The following GLIPR2 variants were observed in gnomAD, a reference collection of about 807,000 sequenced individuals.
The protein encoded by GLIPR2 is GLI pathogenesis related 2.
Under a neutral mutation model 20.4 loss-of-function variants are expected in GLIPR2, and 21 were observed. The observed-to-expected ratio is 1.03, with a 90% confidence interval of 0.73 to 1.48. The LOEUF is 1.48. GLIPR2 is among the 40% of genes most tolerant of loss of function. GLIPR2 has a pLI of 0.00. For missense variants in GLIPR2, 205 were observed against 200.1 expected (o/e 1.02, Z -0.15); for synonymous variants, 91 against 80.5 (o/e 1.13, Z -0.70).
upstream of GLIPR2, chr9:36,136,675 G>C: frequency 1.2e-6 from 1 of 864,132 alleles, no homozygotes; most frequent in Non-Finnish European, 1.5e-6. This position sits in a 1 kb window ranked among gnomAD's most constrained non-coding sequence, Gnocchi z 4.3. Context: ...GGCGCCGGAG[G>C]AGGGGCCGCG....
chr9:36,144,468 C>T (rs1825238400), intron 1 of GLIPR2: 2 of 152,168 alleles, frequency 1.3e-5, no homozygotes, highest in African/African-American at 2.4e-5. Context: ...CACTGTAGAC[C>T]TGAAATCTTT....
In GLIPR2 at chr9:36,150,898, A is replaced by T; in HGVS notation, c.253A>T (p.Ser85Cys). 6.2e-7 allele frequency: 1 copy of T among 1,613,896 alleles called. No homozygotes were observed. Among genetic ancestry groups the T allele is most frequent in the East Asian group, 2.2e-5 (1 of 44,882 alleles). The change falls in exon 4 of 5, where the codon AGT (serine) becomes TGT (cysteine). Residue 85 changes from serine to cysteine, a missense_variant. By Grantham distance (112) the Ser-to-Cys change is moderately radical. Transcript: ENST00000377960. ...AAAGGAGGTGGCTGATAGATGGTAC[A>T]GTGAAATCAAGAACTATAACTTCCA... ...TGKEVADRWY[S>C]EIKNYNFQQP...
At chr9:36,153,458 G>T (rs1446285951) in intron 4 of GLIPR2, among the ~76,000 whole-genome samples, 1 of 152,198 alleles carries the variant, frequency 6.6e-6, no homozygotes, top group Non-Finnish European at 1.5e-5. Context: ...ATTTTGGGTG[G>T]TGTCATAATG....
chr9:36,154,542 G>C (rs1563886812), intron 4 of GLIPR2, among the ~76,000 whole-genome samples: 1 of 152,072 alleles, frequency 6.6e-6, no homozygotes, highest in Non-Finnish European at 1.5e-5. Context: ...TGACATATTT[G>C]GTGTGTTTTT....
chr9:36,145,420 T>C (rs1361309670), intron 1 of GLIPR2, among the ~76,000 whole-genome samples: 2 of 152,240 alleles, frequency 1.3e-5, no homozygotes, highest in African/African-American at 4.8e-5. Flanking sequence ...TTTACAAGGC[T>C]GCCTCCCTTC....
intron 4 of GLIPR2, among the ~76,000 whole-genome samples, chr9:36,153,003 C>T (rs1157955319): frequency 1.6e-5 from 2 of 125,428 alleles, no homozygotes; most frequent in African/African-American, 6.0e-5. Context: ...TGACAGGTGT[C>T]TGTAATCCCA....
At chr9:36,145,378 C>T (rs1385029656) in intron 1 of GLIPR2, among the ~76,000 whole-genome samples, 1 of 149,680 alleles carries the variant, frequency 6.7e-6, no homozygotes, top group Non-Finnish European at 1.5e-5. Context: ...TGCTTACCTG[C>T]ATCTTGGCAC....
chr9:36,156,385 T>TA (rs58467311), intron 4 of GLIPR2, among the ~76,000 whole-genome samples: 5,649 of 77,616 alleles, frequency 0.073, 511 homozygotes, highest in East Asian at 0.1. Flanking sequence ...AAGCCATGTC[T>TA]AAAAAAAAAA....
intron 4 of GLIPR2, 46 bp from the exon 5 acceptor site, chr9:36,162,316 C>G: frequency 6.2e-7 from 1 of 1,600,424 alleles, no homozygotes; most frequent in Non-Finnish European, 8.5e-7. Context: ...TCTTCAGGCT[C>G]TGCTAATTCA....
At chr9:36,147,311 A>T (rs1825370215) in intron 1 of GLIPR2, among the ~76,000 whole-genome samples, 1 of 151,942 alleles carries the variant, frequency 6.6e-6, no homozygotes, top group African/African-American at 2.4e-5. Flanking sequence ...GCTCTGGCCC[A>T]TTCCAGTCCC....
intron 4 of GLIPR2, among the ~76,000 whole-genome samples, chr9:36,153,137 A>AG (rs1825674716): frequency 6.6e-6 from 1 of 151,730 alleles, no homozygotes; most frequent in South Asian, 2.1e-4. Context: ...AAAAAAAAAA[A>AG]AAAAAGAAAG....
chr9:36,147,987 C>T lies in GLIPR2; in HGVS notation c.122+93C>T, dbSNP rs1232463529. 11 of 756,798 alleles carry T rather than the reference C, an allele frequency of 1.5e-5. No individual in the cohort carries two copies. The African/African-American group carries it at 1.5e-4, about 11-fold the overall frequency. The allele number at this position is 756,798 out of a possible 1,614,324, so 46.9% of individuals were successfully genotyped here. Reference sequence around the variant, plus strand: ...CTGTGGCCAGGCACGATGGCTCACACCTGTAATTTCAGCACTTTCAGAGGC... The same window carrying T: ...CTGTGGCCAGGCACGATGGCTCACATCTGTAATTTCAGCACTTTCAGAGGC... On this transcript the variant is annotated intron_variant, in intron 2 of 4. Coordinates refer to ENST00000377960, the MANE Select transcript of GLIPR2 (RefSeq NM_022343.4).
intron 4 of GLIPR2, among the ~76,000 whole-genome samples, chr9:36,158,729 A>G (rs188524905): frequency 6.6e-6 from 1 of 152,228 alleles, no homozygotes. Flanking sequence ...ATGCTAAACC[A>G]TAAAGATGGA....
intron 4 of GLIPR2, 178 bp from the exon 5 acceptor site, chr9:36,162,184 A>G: frequency 2.0e-6 from 3 of 1,485,282 alleles, no homozygotes; most frequent in Non-Finnish European, 2.7e-6. Context: ...TGGGGGAAAA[A>G]AAAAGAAGTC....
chr9:36,138,036 G>A (rs1215178399), intron 1 of GLIPR2, among the ~76,000 whole-genome samples: 1 of 152,226 alleles, frequency 6.6e-6, no homozygotes, highest in African/African-American at 2.4e-5. Context: ...GGCCGTATGA[G>A]CCCTGGGGTT....
chr9:36,144,156 G>A (rs1016842333), intron 1 of GLIPR2: 12 of 152,116 alleles, frequency 7.9e-5, no homozygotes, highest in South Asian at 2.1e-4. Flanking sequence ...ACTGGTCAAC[G>A]AGACCCCCAT....
At chr9:36,158,492 G>A (rs931548650) in intron 4 of GLIPR2, among the ~76,000 whole-genome samples, 2 of 151,914 alleles carry the variant, frequency 1.3e-5, no homozygotes, top group Non-Finnish European at 2.9e-5. Context: ...CCCTCCCTCC[G>A]TTTCTTCCTT....
chr9:36,153,122 C>CAAAAA (rs755775246), intron 4 of GLIPR2, among the ~76,000 whole-genome samples: 11 of 88,426 alleles, frequency 1.2e-4, no homozygotes, highest in African/African-American at 3.4e-4. Flanking sequence ...GACTCTGTCT[C>CAAAAA]AAAAAAAAAA....
intron 1 of GLIPR2, among the ~76,000 whole-genome samples, chr9:36,143,632 G>A (rs1478874167): frequency 1.3e-5 from 2 of 152,160 alleles, no homozygotes; most frequent in Admixed American, 6.5e-5. Context: ...ACTCCTGCAC[G>A]TCTTGGGTCA....
Sources: allele counts gnomAD v4.1 joint callset (sites outside exome capture counted in the v4.1 genomes callset), GRCh38; gene constraint gnomAD v4.1.1; non-coding constraint Gnocchi (gnomAD v3.1); transcripts MANE v1.5; gene names NCBI Gene and HGNC (gene_info 2026-07-23, HGNC 2026-07-21).